DNAH14: variants seen among roughly 807,000 people sequenced by gnomAD.
DNAH14 encodes the protein axonemal beta dynein heavy chain 14.
DNAH14 carries 478 observed loss-of-function variants against 520.9 expected under a neutral mutation model. The observed-to-expected ratio is 0.92, with a 90% CI of 0.85 to 0.99. The LOEUF (loss-of-function observed/expected upper bound fraction) is 0.99, where lower values mean the gene tolerates loss of function less well. Among genes scored for constraint, DNAH14 ranks in the 50% least tolerant of loss-of-function variants. The pLI, the probability that DNAH14 is intolerant of heterozygous loss-of-function variation, is 0.00. For missense variants in DNAH14, 4,831 were observed against 5,234.5 expected, an observed-to-expected ratio of 0.92 and a Z score of 2.38; for synonymous variants, 1,581 against 1,757.2, an observed-to-expected ratio of 0.90 and a Z score of 2.51.
intron 36 of DNAH14, among the ~76,000 whole-genome samples, chr1:225,174,000 CTA>C (rs1206313260): frequency 3.9e-5 from 6 of 152,102 alleles, no homozygotes; most frequent in Non-Finnish European, 5.9e-5. Context: ...TCTCAGCAAA[CTA>C]TCGCAAGGAC....
At position 225,338,126 on chromosome 1, in the gene DNAH14, A is replaced by C. The variant is rs1217750695; in HGVS notation, c.10377A>C (p.Lys3459Asn). Residue 3459 changes from lysine (K) to asparagine (N), a missense_variant, in exon 68 of 86, where the codon AAA becomes AAC. Lys to Asn is a moderately conservative substitution (Grantham distance 94). Transcript: ENST00000682510. ...AILKKDIYQK[K>N]GHYFIRVGDA... ...TGAAAAAGGATATCTATCAGAAAAA[A>C]GGACACTATTTCATAAGGGTTGGTG... is the stretch of plus-strand genomic sequence containing the variant. 1 of 1,551,698 alleles carries C rather than the reference A, an allele frequency of 6.4e-7. No homozygotes were observed. Among genetic ancestry groups the C allele is most frequent in the African/African-American group, 1.4e-5 (1 of 73,044 alleles).
Position 225,289,937 on chromosome 1 carries a change from TG to T in DNAH14, c.8325del (p.Thr2776GlnfsTer32). 6.6e-7 allele frequency: 1 copy of T among 1,509,604 alleles called. No homozygotes were observed. Among genetic ancestry groups the T allele is most frequent in the Non-Finnish European group, 8.9e-7 (1 of 1,125,810 alleles). 93.5% of individuals were successfully genotyped at this position (1,509,604 alleles called of 1,614,324 possible). A position where few individuals can be genotyped will look rare whatever the true frequency, so the allele number is the denominator to read the frequency against. On this transcript the variant is annotated frameshift_variant, in exon 55 of 86. Transcript: ENST00000682510. LOFTEE classifies it high-confidence loss of function. Reference protein sequence around the residue: ...KKTCATLACYLTDNKLYRVPI... With the variant: ...KKTCATLACYXTDNKLYRVPI... ...ACATGTGCAACCTTGGCCTGTTATT[TG>T]ACAGATAATAAACTATACCGAGTGC...
At chr1:225,257,382 C>T (rs938618256) in intron 44 of DNAH14, among the ~76,000 whole-genome samples, 4 of 152,114 alleles carry the variant, frequency 2.6e-5, no homozygotes, top group African/African-American at 9.7e-5. Context: ...AACTCCTGGA[C>T]ATAATCAATG....
At chr1:225,002,715 C>T (rs926336105) in intron 8 of DNAH14, 68 bp from the exon 9 acceptor site, 4 of 1,421,332 alleles carry the variant, frequency 2.8e-6, no homozygotes, top group Admixed American at 2.2e-5. Context: ...AACCACACTA[C>T]TTACCTCTAA....
chr1:225,365,414 C>T (rs1289389171), intron 76 of DNAH14, among the ~76,000 whole-genome samples: 1 of 152,158 alleles, frequency 6.6e-6, no homozygotes, highest in Non-Finnish European at 1.5e-5. Flanking sequence ...AGAAAACTGA[C>T]CGATGGCATA....
At chr1:225,163,452 GCTTT>G (rs1351325936) in intron 35 of DNAH14, among the ~76,000 whole-genome samples, 2 of 152,110 alleles carry the variant, frequency 1.3e-5, no homozygotes, top group African/African-American at 4.8e-5. Context: ...CAGAGAAAAG[GCTTT>G]CTGTTTTTCC....
intron 55 of DNAH14, 59 bp from the exon 56 acceptor site, chr1:225,300,810 G>T: frequency 6.7e-7 from 1 of 1,496,816 alleles, no homozygotes; most frequent in Non-Finnish European, 9.0e-7. Context: ...AATTGATGTG[G>T]TTAGGGTAGA....
At chr1:225,225,256 A>T (rs967219420) in intron 41 of DNAH14, among the ~76,000 whole-genome samples, 5 of 152,228 alleles carry the variant, frequency 3.3e-5, no homozygotes, top group Non-Finnish European at 5.9e-5. Flanking sequence ...TATGGCAAAC[A>T]GATGTTAAAC....
intron 23 of DNAH14, among the ~76,000 whole-genome samples, chr1:225,110,755 GT>G (rs2148816968): frequency 6.6e-6 from 1 of 151,688 alleles, no homozygotes; most frequent in South Asian, 2.1e-4. Flanking sequence ...GTTATTTGAA[GT>G]TTTTCTACTT....
intron 8 of DNAH14, among the ~76,000 whole-genome samples, chr1:224,978,109 C>G (rs111669697): frequency 0.053 from 8,014 of 152,198 alleles, 320 homozygotes; most frequent in Non-Finnish European, 0.078. Flanking sequence ...ACGGAGGTTT[C>G]TCAAAAAACT....
At chr1:225,287,909 G>A (rs899137780) in intron 54 of DNAH14, among the ~76,000 whole-genome samples, 1 of 151,962 alleles carries the variant, frequency 6.6e-6, no homozygotes, top group Non-Finnish European at 1.5e-5. Context: ...GAAATAAAGT[G>A]GTATTAAATA....
intron 15 of DNAH14, among the ~76,000 whole-genome samples, chr1:225,048,301 G>A (rs1428192870): frequency 1.3e-5 from 2 of 152,168 alleles, no homozygotes; most frequent in African/African-American, 2.4e-5. Context: ...AGGAGTTCAA[G>A]ACCAGCCTAG....
intron 77 of DNAH14, among the ~76,000 whole-genome samples, chr1:225,372,095 T>C (rs191058153): frequency 6.6e-6 from 1 of 152,312 alleles, no homozygotes; most frequent in East Asian, 1.9e-4. Flanking sequence ...TTCGTTTTTT[T>C]AATCCTGCCT....
intron 42 of DNAH14, among the ~76,000 whole-genome samples, chr1:225,239,905 A>G (rs907458143): frequency 9.2e-5 from 14 of 152,242 alleles, no homozygotes; most frequent in African/African-American, 3.4e-4. Flanking sequence ...TAAATTCTGA[A>G]CTATATGAAA....
chr1:225,375,942 G>C (rs1348699919), intron 78 of DNAH14, among the ~76,000 whole-genome samples: 1 of 151,226 alleles, frequency 6.6e-6, no homozygotes, highest in Non-Finnish European at 1.5e-5. Context: ...ACAAAAATTA[G>C]CCAGGCATGA....
intron 41 of DNAH14, among the ~76,000 whole-genome samples, chr1:225,227,188 G>T (rs1172703973): frequency 6.6e-6 from 1 of 152,062 alleles, no homozygotes; most frequent in East Asian, 1.9e-4. Context: ...CAGGCTGGGG[G>T]ATGATCAGGT....
intron 40 of DNAH14, among the ~76,000 whole-genome samples, 188 bp downstream of exon 40, chr1:225,206,367 T>TC (rs2087550877): frequency 6.6e-6 from 1 of 152,224 alleles, no homozygotes; most frequent in African/African-American, 2.4e-5. Flanking sequence ...ATTTAATTAT[T>TC]ACTGTTTTAA....
intron 52 of DNAH14, among the ~76,000 whole-genome samples, chr1:225,275,418 G>A (rs541244550): frequency 3.3e-5 from 5 of 152,300 alleles, no homozygotes; most frequent in African/African-American, 1.2e-4. Context: ...TGATTTTAGG[G>A]GAGAGGGAGA....
At chr1:225,076,505 C>G (rs2072292015) in intron 17 of DNAH14, among the ~76,000 whole-genome samples, 1 of 152,170 alleles carries the variant, frequency 6.6e-6, no homozygotes, top group African/African-American at 2.4e-5. Flanking sequence ...GTTGATGTTT[C>G]TACAGGGATA....
Sources: allele counts gnomAD v4.1 joint callset (sites outside exome capture counted in the v4.1 genomes callset), GRCh38; gene constraint gnomAD v4.1.1; transcripts MANE v1.5; gene names NCBI Gene and HGNC (gene_info 2026-07-23, HGNC 2026-07-21).